Variants in TAF3 observed in about 807,000 individuals in gnomAD.
TAF3 encodes TATA-box binding protein associated factor 3.
A neutral mutation model predicts 80.6 loss-of-function variants in TAF3; 7 were observed. The ratio of observed to expected loss-of-function variants is 0.09; its 90% CI spans 0.05 to 0.16. The LOEUF is 0.16. Ranked by LOEUF, TAF3 falls within the 10% of genes least tolerant of loss-of-function variation. The pLI is 1.00. For synonymous variants in TAF3, 444 were observed against 446.1 expected (o/e 1.00, Z 0.06); for missense variants, 921 against 1,140.2 (o/e 0.81, Z 2.77).
chr10:7,908,532 CA>C (rs1837626179), intron 2 of TAF3, among the ~76,000 whole-genome samples: 1 of 152,082 alleles, frequency 6.6e-6, no homozygotes, highest in Non-Finnish European at 1.5e-5. Context: ...TGGCATTACC[CA>C]ACACCATCAT....
intron 2 of TAF3, among the ~76,000 whole-genome samples, chr10:7,843,302 T>A (rs1280215738): frequency 1.3e-5 from 2 of 150,954 alleles, no homozygotes; most frequent in African/African-American, 4.9e-5. Flanking sequence ...AGAGATGGGC[T>A]CTTGCTGTGT....
intron 2 of TAF3, among the ~76,000 whole-genome samples, chr10:7,905,344 G>A (rs1416480239): frequency 6.6e-6 from 1 of 152,154 alleles, no homozygotes; most frequent in Non-Finnish European, 1.5e-5. Flanking sequence ...TTTGACATTA[G>A]AGTTTTTCTT....
At chr10:7,958,653 G>GCTCCTT (rs1417412759) in intron 2 of TAF3, among the ~76,000 whole-genome samples, 16 of 152,316 alleles carry the variant, frequency 1.1e-4, no homozygotes, top group Admixed American at 3.3e-4. Context: ...GATGGGAAAG[G>GCTCCTT]AGCCACAGGA....
At chr10:7,821,032 C>T (rs1836685205) in intron 1 of TAF3, among the ~76,000 whole-genome samples, 1 of 152,146 alleles carries the variant, frequency 6.6e-6, no homozygotes, top group African/African-American at 2.4e-5. Context: ...TACATAGTTA[C>T]CTTTACTGCC....
chr10:7,872,705 A>G (rs1000715942), intron 2 of TAF3, among the ~76,000 whole-genome samples: 6 of 152,242 alleles, frequency 3.9e-5, no homozygotes, highest in African/African-American at 1.4e-4. Context: ...TAAGAAAGCC[A>G]CTGATCTACT....
chr10:7,872,213 ATT>A (rs34945620), intron 2 of TAF3, among the ~76,000 whole-genome samples: 3 of 121,978 alleles, frequency 2.5e-5, no homozygotes, highest in African/African-American at 9.2e-5. Context: ...TGTTGGGTTG[ATT>A]TTTTTTTTTT....
intron 4 of TAF3, among the ~76,000 whole-genome samples, chr10:7,995,069 G>A (rs1393294907): frequency 1.3e-5 from 2 of 150,030 alleles, no homozygotes; most frequent in Non-Finnish European, 3.0e-5. Flanking sequence ...ATATAAAATA[G>A]CCTAAAAGTA....
At chr10:7,884,496 C>T (rs1413022869) in intron 2 of TAF3, among the ~76,000 whole-genome samples, 1 of 150,220 alleles carries the variant, frequency 6.7e-6, no homozygotes, top group Non-Finnish European at 1.5e-5. Context: ...AGGCGATTCT[C>T]CTGTCTCAGC....
At chr10:7,848,867 C>G (rs1229797237) in intron 2 of TAF3, among the ~76,000 whole-genome samples, 1 of 152,128 alleles carries the variant, frequency 6.6e-6, no homozygotes, top group Non-Finnish European at 1.5e-5. Flanking sequence ...AGTTGTCAGG[C>G]CTGCCAAAAT....
In TAF3 at chr10:8,009,255, G is replaced by A. The variant is rs780376074; in HGVS notation, c.2493G>A (p.Pro831=). The A allele has an allele frequency of 1.6e-5, 25 of 1,540,680 alleles. No homozygotes were observed. In the South Asian group the frequency reaches 1.9e-4, roughly 12 times the overall value. ...AAAGPALLPS[P]GPAASGASAK... ...CGGGCCCTGCCCTGCTGCCCTCCCC[G>A]GGTCCCGCCGCCTCCGGGGCCAGTG... The change falls in exon 5 of 7, where the codon CCG becomes CCA. Residue 831 remains proline (P), a synonymous_variant. Coordinates refer to ENST00000344293, the MANE Select transcript of TAF3 (RefSeq NM_031923.4). The surrounding 1 kb of genome is among the most constrained non-coding windows in gnomAD (Gnocchi z 4.1).
At chr10:7,993,970 G>A (rs753762506) in intron 4 of TAF3, among the ~76,000 whole-genome samples, 18 of 149,658 alleles carry the variant, frequency 1.2e-4, no homozygotes, top group Non-Finnish European at 2.1e-4. Context: ...ATGAGCATAG[G>A]GTTTTGGAAA....
intron 4 of TAF3, among the ~76,000 whole-genome samples, chr10:7,997,747 A>G (rs1831902960): frequency 6.6e-6 from 1 of 152,206 alleles, no homozygotes; most frequent in African/African-American, 2.4e-5. Context: ...TTCAACAGAA[A>G]GCTCTGGACG....
chr10:7,824,592 G>A (rs1836723275), intron 2 of TAF3, 32 bp downstream of exon 2: 2 of 1,603,848 alleles, frequency 1.2e-6, no homozygotes, highest in African/African-American at 1.3e-5. Context: ...ATATGTTAGT[G>A]ATTATTTTAA....
At chr10:7,935,370 G>A (rs539195998) in intron 2 of TAF3, among the ~76,000 whole-genome samples, 11 of 152,066 alleles carry the variant, frequency 7.2e-5, no homozygotes, top group Non-Finnish European at 1.3e-4. Context: ...GGCCGAGGCG[G>A]GCAGATCACG....
At chr10:7,981,116 G>C (rs1041133968) in intron 4 of TAF3, among the ~76,000 whole-genome samples, 1 of 152,204 alleles carries the variant, frequency 6.6e-6, no homozygotes, top group African/African-American at 2.4e-5. Flanking sequence ...TGAAACACTG[G>C]TAAAGTATTA....
chr10:7,871,835 C>T (rs988289756), intron 2 of TAF3, among the ~76,000 whole-genome samples: 16 of 152,126 alleles, frequency 1.1e-4, no homozygotes, highest in Non-Finnish European at 1.8e-4. Context: ...ATTTCTTTTA[C>T]TAAATATGTG....
At chr10:7,886,189 G>A (rs562882290) in intron 2 of TAF3, among the ~76,000 whole-genome samples, 3 of 152,110 alleles carry the variant, frequency 2.0e-5, no homozygotes, top group South Asian at 2.1e-4. Context: ...TTGGCCTCCC[G>A]AAGTGCTGGG....
At chr10:7,952,220 A>C (rs1428982884) in intron 2 of TAF3, among the ~76,000 whole-genome samples, 1 of 152,158 alleles carries the variant, frequency 6.6e-6, no homozygotes, top group Non-Finnish European at 1.5e-5. Context: ...AAAATATTAG[A>C]GATATTGACA....
chr10:7,902,149 A>G (rs1009289622), intron 2 of TAF3, among the ~76,000 whole-genome samples: 1 of 152,186 alleles, frequency 6.6e-6, no homozygotes, highest in Non-Finnish European at 1.5e-5. Flanking sequence ...ACTGTCCAAT[A>G]TTCAGTTTGG....
Sources: allele counts gnomAD v4.1 joint callset (sites outside exome capture counted in the v4.1 genomes callset), GRCh38; gene constraint gnomAD v4.1.1; non-coding constraint Gnocchi (gnomAD v3.1); transcripts MANE v1.5; gene names NCBI Gene and HGNC (gene_info 2026-07-23, HGNC 2026-07-21).